Variants in ADAMTS2 observed in about 807,000 individuals in gnomAD.
The protein encoded by ADAMTS2 is A disintegrin and metalloproteinase with thrombospondin motifs 2.
Under a neutral mutation model 123.0 loss-of-function variants are expected in ADAMTS2, and 50 were observed. That is an observed-to-expected ratio of 0.41 (90% CI 0.32 to 0.51). The LOEUF (loss-of-function observed/expected upper bound fraction) is 0.51, where lower values mean the gene tolerates loss of function less well. ADAMTS2 is among the 20% of genes least tolerant of loss of function. The probability of loss-of-function intolerance (pLI) is 0.35; values close to 1 mark genes in which losing one functional copy is unlikely to be tolerated. For missense variants in ADAMTS2, 1,494 were observed against 1,705.2 expected, an observed-to-expected ratio of 0.88 and a Z score of 2.18; for synonymous variants, 678 against 695.4, an observed-to-expected ratio of 0.98 and a Z score of 0.39.
Position 179,335,390 on chromosome 5 carries a change from G to A in ADAMTS2, c.534+8377C>T, listed in dbSNP as rs558202705. ...ATCCAATGTATATTTTATACTCAGG[G>A]TACCTCTCAATTCAGACCAGACACA... On this transcript the variant is annotated intron_variant, in intron 2 of 21. Transcript: ENST00000251582. Among the ~76,000 whole-genome samples the A allele has an allele frequency of 1.2e-4, 19 of 152,200 alleles. No homozygotes were observed. In the South Asian group the frequency reaches 3.9e-3, roughly 32 times the overall value.
chr5:179,186,748 A>C (rs1019917342), intron 4 of ADAMTS2, among the ~76,000 whole-genome samples: 19 of 152,026 alleles, frequency 1.2e-4, no homozygotes, highest in Non-Finnish European at 2.5e-4. Context: ...TGCCTCCTGC[A>C]CATCCCCCTC....
In ADAMTS2 at chr5:179,260,256, G is replaced by A. The variant is rs531561534; in HGVS notation, c.688+12655C>T. On this transcript the variant is annotated intron_variant, in intron 3 of 21. Coordinates refer to ENST00000251582, the MANE Select transcript of ADAMTS2 (RefSeq NM_014244.5). This position sits in a 1 kb window ranked among gnomAD's most constrained non-coding sequence, Gnocchi z 4.2. Reference sequence around the variant, plus strand: ...GCAGGGAGCAACTGTTGCTCCCGGAGTGAGCTCCTGGGCGACCGGGCTTCC... The same window carrying A: ...GCAGGGAGCAACTGTTGCTCCCGGAATGAGCTCCTGGGCGACCGGGCTTCC... Among the ~76,000 whole-genome samples the A allele has an allele frequency of 3.8e-4, 58 of 152,320 alleles. 1 individual carries two copies. In the South Asian group the frequency reaches 0.012, roughly 31 times the overall value.
chr5:179,171,674 G>A (rs1285209153), intron 5 of ADAMTS2, among the ~76,000 whole-genome samples: 1 of 152,174 alleles, frequency 6.6e-6, no homozygotes, highest in South Asian at 2.1e-4. Context: ...GATCTGGGAG[G>A]CTTCTAGGAG....
chr5:179,194,070 A>C (rs550055416), intron 4 of ADAMTS2, among the ~76,000 whole-genome samples: 10 of 152,284 alleles, frequency 6.6e-5, no homozygotes, highest in African/African-American at 2.4e-4. Flanking sequence ...CCTCGTCCAC[A>C]GGGACTCTAA....
rs1307789353 is a variant in ADAMTS2, at chr5:179,272,650, G to A, written c.688+261C>T. ...TTGGACAGCCTTCATAGTCCACCAT[G>A]GAGGCCCCAGACATGAAGGCAGAGG... On this transcript the variant is annotated intron_variant, in intron 3 of 21. Coordinates refer to ENST00000251582, the MANE Select transcript of ADAMTS2 (RefSeq NM_014244.5). The surrounding 1 kb of genome is among the most constrained non-coding windows in gnomAD (Gnocchi z 5.8). 1.3e-5 allele frequency among the ~76,000 whole-genome samples: 2 copies of A among 152,164 alleles called. No homozygotes were observed. The highest frequency in any genetic ancestry group is 2.4e-5 in the African/African-American group (1 of 41,444).
At chr5:179,340,106 C>T (rs1272844486) in intron 2 of ADAMTS2, among the ~76,000 whole-genome samples, 1 of 152,252 alleles carries the variant, frequency 6.6e-6, no homozygotes, top group African/African-American at 2.4e-5. Context: ...GCAGCCCTAT[C>T]TCACAGGGTT....
At chr5:179,119,799 C>G (rs1466838432) in intron 21 of ADAMTS2, among the ~76,000 whole-genome samples, 1 of 152,186 alleles carries the variant, frequency 6.6e-6, no homozygotes, top group East Asian at 1.9e-4. Context: ...GCTACTGACC[C>G]CACATTCCCA....
rs1304938559 is a variant in ADAMTS2 at position 179,158,934 on chromosome 5, G to T, written c.976-55C>A. 2.1e-5 allele frequency: 34 copies of T among 1,595,798 alleles called. No individual in the cohort carries two copies. Among genetic ancestry groups the T allele is most frequent in the Non-Finnish European group, 2.6e-5 (30 of 1,170,738 alleles). On this transcript the variant is annotated intron_variant, in intron 5 of 21. Transcript: ENST00000251582. This position sits in a 1 kb window ranked among gnomAD's most constrained non-coding sequence, Gnocchi z 5.0. ...AGAGGTTGGCGCCTGGTGGCCCAGT[G>T]GGGGGCCGAGCAGGCTGTAGTGTTG...
At chr5:179,187,409 T>G (rs1038781104) in intron 4 of ADAMTS2, among the ~76,000 whole-genome samples, 1 of 152,234 alleles carries the variant, frequency 6.6e-6, no homozygotes, top group Non-Finnish European at 1.5e-5. Context: ...CCTCAGGAAC[T>G]TTGGACTTGC....
rs1302771600 is a variant in ADAMTS2, at chr5:179,130,696, C to T, written c.2291-598G>A. Among the ~76,000 whole-genome samples, 1 of 152,202 alleles carries T rather than the reference C, an allele frequency of 6.6e-6. No homozygotes were observed. Among genetic ancestry groups the T allele is most frequent in the East Asian group, 1.9e-4 (1 of 5,182 alleles). On this transcript the variant is annotated intron_variant, in intron 15 of 21. Transcript: ENST00000251582. This position sits in a 1 kb window ranked among gnomAD's most constrained non-coding sequence, Gnocchi z 4.3. ...CTGGCTAGCCAGGAAGCCCCATGCT[C>T]TCTGCAGTGTGGGGGGTGGCTGCTG...
chr5:179,326,192 TTG>T (rs575504324), intron 2 of ADAMTS2, among the ~76,000 whole-genome samples: 2 of 130,828 alleles, frequency 1.5e-5, no homozygotes, highest in Non-Finnish European at 3.3e-5. Flanking sequence ...GAAATGGCGT[TTG>T]TGTGTGCGTG....
intron 3 of ADAMTS2, among the ~76,000 whole-genome samples, chr5:179,238,882 C>T (rs914002392): frequency 1.3e-5 from 2 of 152,082 alleles, no homozygotes; most frequent in African/African-American, 4.8e-5. Flanking sequence ...CGCCCCAGGA[C>T]CCTTCCACCA....
intron 5 of ADAMTS2, among the ~76,000 whole-genome samples, chr5:179,167,863 C>T (rs549244256): frequency 6.6e-6 from 1 of 152,342 alleles, no homozygotes; most frequent in African/African-American, 2.4e-5. Context: ...CACAAATGTC[C>T]CTTGTCCTTG....
At chr5:179,305,108 C>T (rs573586263) in intron 2 of ADAMTS2, among the ~76,000 whole-genome samples, 8 of 146,564 alleles carry the variant, frequency 5.5e-5, no homozygotes, top group African/African-American at 1.8e-4. Flanking sequence ...AGCAAAAATA[C>T]ACTTCAAGAA....
chr5:179,209,131 G>C (rs943862516), intron 3 of ADAMTS2, among the ~76,000 whole-genome samples: 1 of 152,196 alleles, frequency 6.6e-6, no homozygotes, highest in African/African-American at 2.4e-5. Flanking sequence ...CAGTGAGGCA[G>C]CCTGGTACCA....
chr5:179,183,940 C>A (rs1295736744), intron 4 of ADAMTS2, among the ~76,000 whole-genome samples: 2 of 152,150 alleles, frequency 1.3e-5, no homozygotes, highest in Non-Finnish European at 2.9e-5. Context: ...GAGGACCCAG[C>A]AAGAAGGCGG....
At position 179,113,499 on chromosome 5, in the gene ADAMTS2, T is replaced by A. The variant is rs1239894264; in HGVS notation, c.*368A>T. 1 of 313,346 alleles carries A rather than the reference T, an allele frequency of 3.2e-6. No homozygotes were observed. The allele number at this position is 313,346 out of a possible 1,614,324, so 19.4% of individuals were successfully genotyped here. A position where few individuals can be genotyped will look rare whatever the true frequency, so the allele number is the denominator to read the frequency against. On this transcript the variant is annotated 3_prime_UTR_variant, in exon 22 of 22. Coordinates refer to ENST00000251582, the MANE Select transcript of ADAMTS2 (RefSeq NM_014244.5). ...GTCTGGGGATCGGTAGGGAATGTCA[T>A]GCATCTCCGCCAAGGAAAGGAAGGT...
chr5:179,192,189 C>T (rs6860197), intron 4 of ADAMTS2, among the ~76,000 whole-genome samples: 18,260 of 152,266 alleles, frequency 0.12, 1,279 homozygotes, highest in Non-Finnish European at 0.15. Flanking sequence ...TGCAGGCCAT[C>T]ACCTTGCACT....
At position 179,317,537 on chromosome 5, in the gene ADAMTS2, T is replaced by C. The variant is rs980863974; in HGVS notation, c.534+26230A>G. On this transcript the variant is annotated intron_variant, in intron 2 of 21. Transcript: ENST00000251582. The surrounding 1 kb of genome is among the most constrained non-coding windows in gnomAD (Gnocchi z 4.9). Reference sequence around the variant, plus strand: ...GACCCAGAGGCCATCCCAGCGACACTGTGTGGGGACTCCTGCACCTCTTCC... The same window carrying C: ...GACCCAGAGGCCATCCCAGCGACACCGTGTGGGGACTCCTGCACCTCTTCC... Among the ~76,000 whole-genome samples, 1 of 152,144 alleles carries C rather than the reference T, an allele frequency of 6.6e-6. No homozygotes were observed. Among genetic ancestry groups the C allele is most frequent in the Non-Finnish European group, 1.5e-5 (1 of 68,026 alleles).
Sources: allele counts gnomAD v4.1 joint callset (sites outside exome capture counted in the v4.1 genomes callset), GRCh38; gene constraint gnomAD v4.1.1; non-coding constraint Gnocchi (gnomAD v3.1); transcripts MANE v1.5; gene names NCBI Gene and HGNC (gene_info 2026-07-23, HGNC 2026-07-21).